VCF1: variants seen among roughly 807,000 people sequenced by gnomAD.
VCF1 encodes protein VCF1.
chr17:73,210,806 C>T, the VCF1 span, among the ~76,000 whole-genome samples: 2 of 145,782 alleles, frequency 1.4e-5, no homozygotes, highest in African/African-American at 5.1e-5. Flanking sequence ...CGCTATGTTG[C>T]TCAGGCTGGT....
At chr17:73,226,123 G>A in the VCF1 span, among the ~76,000 whole-genome samples, 5 of 151,746 alleles carry the variant, frequency 3.3e-5, no homozygotes, top group African/African-American at 9.7e-5. Flanking sequence ...GGCTGGTCTC[G>A]AACTCCTGAC....
the VCF1 span, chr17:73,207,810 T>C: frequency 2.3e-6 from 3 of 1,284,184 alleles, no homozygotes; most frequent in South Asian, 2.5e-5. Context: ...CAGCATCGAG[T>C]TGTTTGCTTT....
chr17:73,227,765 T>C, the VCF1 span: 2 of 479,148 alleles, frequency 4.2e-6, no homozygotes, highest in African/African-American at 2.1e-5. Flanking sequence ...CACTAGCCGG[T>C]ATTATGATAT....
the VCF1 span, chr17:73,231,955 C>T: frequency 3.0e-6 from 3 of 994,030 alleles, no homozygotes; most frequent in Non-Finnish European, 4.3e-6. Flanking sequence ...CCTCCTCCCC[C>T]GGCCCGCAGT....
the VCF1 span, chr17:73,208,777 T>C: frequency 5.1e-6 from 2 of 392,232 alleles, no homozygotes; most frequent in South Asian, 4.3e-5. Flanking sequence ...CAAAAAGTCA[T>C]TACATATTAC....
At chr17:73,224,677 T>C in the VCF1 span, among the ~76,000 whole-genome samples, 7 of 152,350 alleles carry the variant, frequency 4.6e-5, no homozygotes, top group East Asian at 3.9e-4. Flanking sequence ...ACAAACATAA[T>C]CATTTATTCC....
At chr17:73,224,970 CACAGCACAGCACAGCACAGCACAGG>C in the VCF1 span, among the ~76,000 whole-genome samples, 2 of 59,936 alleles carry the variant, frequency 3.3e-5, no homozygotes, top group Non-Finnish European at 7.8e-5. Flanking sequence ...GACAGCACAG[CACAGCACAGCACAGCACAGCACAGG>C]ACAGGACAGG....
chr17:73,229,820 A>C, the VCF1 span, among the ~76,000 whole-genome samples: 1 of 122,702 alleles, frequency 8.1e-6, no homozygotes, highest in African/African-American at 3.0e-5. Context: ...GTGTGCCGAG[A>C]TCGCACCACT....
the VCF1 span, chr17:73,232,352 C>G: frequency 1.3e-6 from 2 of 1,504,754 alleles, no homozygotes; most frequent in Admixed American, 2.0e-5. Flanking sequence ...CGCAGTGGCA[C>G]CATCCCAACC....
chr17:73,208,981 TCTC>T, the VCF1 span: 35 of 225,980 alleles, frequency 1.5e-4, no homozygotes, highest in Middle Eastern at 5.7e-3. Context: ...ATCTGATTGT[TCTC>T]CTGTTACACA....
At chr17:73,208,675 T>C in the VCF1 span, 1 of 589,958 alleles carries the variant, frequency 1.7e-6, no homozygotes, top group Non-Finnish European at 3.0e-6. Flanking sequence ...GCTTACATTT[T>C]ATCAGCGTTC....
chr17:73,228,911 G>A, the VCF1 span, among the ~76,000 whole-genome samples: 1 of 152,166 alleles, frequency 6.6e-6, no homozygotes, highest in Non-Finnish European at 1.5e-5. Context: ...TTTTATCAGC[G>A]TGCCAACAGC....
chr17:73,224,975 C>CACAGGACAGG, the VCF1 span, among the ~76,000 whole-genome samples: 1 of 63,506 alleles, frequency 1.6e-5, no homozygotes, highest in African/African-American at 5.0e-5. Context: ...CACAGCACAG[C>CACAGGACAGG]ACAGCACAGC....
At chr17:73,224,915 G>GACAGCACAGC in the VCF1 span, among the ~76,000 whole-genome samples, 1,770 of 110,404 alleles carry the variant, frequency 0.016, 170 homozygotes, top group African/African-American at 0.016. Context: ...GACAGGACAG[G>GACAGCACAGC]ACAGGACAGG....
the VCF1 span, among the ~76,000 whole-genome samples, chr17:73,224,995 G>GC: frequency 0.079 from 4,574 of 58,204 alleles, 141 homozygotes; most frequent in Non-Finnish European, 0.098. Context: ...CACAGCACAG[G>GC]ACAGGACAGG....
At chr17:73,220,222 T>TA in the VCF1 span, among the ~76,000 whole-genome samples, 3 of 152,162 alleles carry the variant, frequency 2.0e-5, no homozygotes, top group Admixed American at 6.5e-5. Context: ...CATTATTTTT[T>TA]AAAAAATCAC....
chr17:73,216,234 C>T, the VCF1 span, among the ~76,000 whole-genome samples: 1 of 152,070 alleles, frequency 6.6e-6, no homozygotes, highest in Non-Finnish European at 1.5e-5. Flanking sequence ...GGAGAACACG[C>T]ACCACCCCCG....
the VCF1 span, among the ~76,000 whole-genome samples, chr17:73,231,714 T>TG: frequency 1.3e-5 from 2 of 152,156 alleles, no homozygotes; most frequent in Non-Finnish European, 2.9e-5. Context: ...CAAAAGCCTT[T>TG]GGGGGCTCCC....
At chr17:73,230,448 T>C in the VCF1 span, among the ~76,000 whole-genome samples, 1 of 152,242 alleles carries the variant, frequency 6.6e-6, no homozygotes, top group African/African-American at 2.4e-5. Context: ...TTGCTCAGGC[T>C]TGAGTGCAGT....
Sources: allele counts gnomAD v4.1 joint callset (sites outside exome capture counted in the v4.1 genomes callset), GRCh38; gene constraint gnomAD v4.1.1; transcripts MANE v1.5; gene names NCBI Gene and HGNC (gene_info 2026-07-23, HGNC 2026-07-21).